DLC1: variants seen among roughly 807,000 people sequenced by gnomAD.
The protein encoded by DLC1 is DLC1 Rho GTPase activating protein.
In DLC1, 54 loss-of-function variants were observed where a neutral mutation model predicts 140.3. The ratio of observed to expected loss-of-function variants is 0.38; its 90% CI spans 0.31 to 0.48. The LOEUF is 0.48. Among genes scored for constraint, DLC1 ranks in the 20% least tolerant of loss-of-function variants. The pLI is 0.96. For synonymous variants in DLC1, 986 were observed against 728.1 expected, an observed-to-expected ratio of 1.35 and a Z score of -5.70; for missense variants, 2,536 against 1,907.0, an observed-to-expected ratio of 1.33 and a Z score of -6.14.
intron 2 of DLC1, among the ~76,000 whole-genome samples, chr8:13,495,862 C>A (rs1801477280): frequency 6.6e-6 from 1 of 152,102 alleles, no homozygotes; most frequent in African/African-American, 2.4e-5. Context: ...CTTATAAGCT[C>A]TTTTATTTTT....
chr8:13,428,255 A>G (rs1054185654), intron 2 of DLC1, among the ~76,000 whole-genome samples: 1 of 152,134 alleles, frequency 6.6e-6, no homozygotes, highest in Admixed American at 6.5e-5. Flanking sequence ...CCCTGATACA[A>G]TCATAAATTC....
chr8:13,409,117 C>T (rs1275382891), intron 2 of DLC1, among the ~76,000 whole-genome samples: 2 of 151,998 alleles, frequency 1.3e-5, no homozygotes, highest in African/African-American at 4.8e-5. Context: ...TGTCAATCAT[C>T]CTGAGTCCAA....
At chr8:13,446,634 G>A (rs1302552235) in intron 2 of DLC1, among the ~76,000 whole-genome samples, 2 of 151,892 alleles carry the variant, frequency 1.3e-5, no homozygotes, top group African/African-American at 4.8e-5. Context: ...GGGAAGGGAA[G>A]GGAAGAAGAA....
chr8:13,523,899 G>A (rs919467968), intron 1 of DLC1, among the ~76,000 whole-genome samples: 2 of 151,550 alleles, frequency 1.3e-5, no homozygotes, highest in African/African-American at 4.8e-5. Context: ...AGGGGGAGGG[G>A]AGAAAGTATA....
intron 2 of DLC1, among the ~76,000 whole-genome samples, chr8:13,492,697 C>T (rs1253112989): frequency 1.3e-5 from 2 of 152,082 alleles, no homozygotes; most frequent in African/African-American, 2.4e-5. Context: ...TAGGATAGCA[C>T]CTGGGATATT....
chr8:13,326,241 A>C (rs1833342271), intron 4 of DLC1, among the ~76,000 whole-genome samples: 1 of 152,188 alleles, frequency 6.6e-6, no homozygotes, highest in Non-Finnish European at 1.5e-5. Flanking sequence ...ATCCACATGC[A>C]AATTTCACTA....
At chr8:13,413,256 A>ACTTTTTTTTTTTT (rs1491415150) in intron 2 of DLC1, among the ~76,000 whole-genome samples, 5 of 82,004 alleles carry the variant, frequency 6.1e-5, no homozygotes, top group African/African-American at 5.0e-5. Flanking sequence ...TTTTTTTGCG[A>ACTTTTTTTTTTTT]TTTTTTTTTT....
At chr8:13,247,211 G>T (rs995296452) in intron 5 of DLC1, among the ~76,000 whole-genome samples, 2 of 152,182 alleles carry the variant, frequency 1.3e-5, no homozygotes, top group African/African-American at 4.8e-5. Context: ...GTCAGTTCCA[G>T]TTGTTCCATT....
intron 5 of DLC1, among the ~76,000 whole-genome samples, chr8:13,271,306 C>T (rs1371880611): frequency 6.6e-6 from 1 of 152,180 alleles, no homozygotes; most frequent in Non-Finnish European, 1.5e-5. Flanking sequence ...TATGCCCTTA[C>T]TTGCTTTTCA....
chr8:13,101,907 A>T (rs1819126550), intron 8 of DLC1, among the ~76,000 whole-genome samples: 1 of 152,168 alleles, frequency 6.6e-6, no homozygotes, highest in Admixed American at 6.5e-5. Flanking sequence ...ATTCGGTATG[A>T]TACATGTCTT....
intron 5 of DLC1, among the ~76,000 whole-genome samples, chr8:13,217,847 AC>A (rs1196815899): frequency 6.6e-6 from 1 of 150,726 alleles, no homozygotes; most frequent in African/African-American, 2.5e-5. Flanking sequence ...CAAAAAAAAA[AC>A]AACAACAAAA....
intron 4 of DLC1, among the ~76,000 whole-genome samples, chr8:13,364,274 A>T (rs1380056001): frequency 6.7e-6 from 1 of 150,280 alleles, no homozygotes; most frequent in African/African-American, 2.5e-5. Context: ...GCTATTTTTA[A>T]GTTTCCAGTT....
chr8:13,266,455 G>T (rs1009457543), intron 5 of DLC1, among the ~76,000 whole-genome samples: 4 of 152,086 alleles, frequency 2.6e-5, no homozygotes, highest in Non-Finnish European at 5.9e-5. Context: ...TGTTAAGAAA[G>T]CTCTTTGGGT....
At chr8:13,341,678 A>G (rs1488211617) in intron 4 of DLC1, 1 of 151,976 alleles carries the variant, frequency 6.6e-6, no homozygotes, top group Non-Finnish European at 1.5e-5. Flanking sequence ...CCAGGTTGTG[A>G]CTCTGGTAGG....
At chr8:13,425,357 G>A (rs182375416) in intron 2 of DLC1, among the ~76,000 whole-genome samples, 7 of 152,264 alleles carry the variant, frequency 4.6e-5, no homozygotes, top group Admixed American at 4.6e-4. Context: ...CAAGAAAATG[G>A]CACATCTTGC....
At chr8:13,138,472 T>A (rs1396081367) in intron 5 of DLC1, among the ~76,000 whole-genome samples, 2 of 152,212 alleles carry the variant, frequency 1.3e-5, no homozygotes, top group Admixed American at 1.3e-4. Context: ...AGCCAGGCAA[T>A]CTCTTTGGAA....
At chr8:13,154,629 C>T (rs1253482563) in intron 5 of DLC1, among the ~76,000 whole-genome samples, 2 of 152,174 alleles carry the variant, frequency 1.3e-5, no homozygotes, top group Non-Finnish European at 2.9e-5. Flanking sequence ...TCTCAGCCAG[C>T]CCAGAGAGGG....
chr8:13,336,570 G>A (rs1018142022), intron 4 of DLC1, among the ~76,000 whole-genome samples: 3 of 152,202 alleles, frequency 2.0e-5, no homozygotes, highest in Non-Finnish European at 2.9e-5. Context: ...GCTCAGCCAT[G>A]TGTTTTATCA....
Position 13,098,513 on chromosome 8 carries a change from A to C in DLC1, c.3053T>G (p.Leu1018Arg). ...SHRPSLNSVS[L>R]QINCQSVAQM... ...GGCCACAGACTGGCAGTTAATCTGT[A>C]GTGATACAGAGTTGAGGCTTGGCCG... The change falls in exon 10 of 18, where the codon CTA (leucine) becomes CGA (arginine). Residue 1018 changes from leucine (L) to arginine (R), a missense_variant. Leu to Arg is a moderately radical substitution (Grantham distance 102). Coordinates refer to ENST00000276297, the MANE Select transcript of DLC1 (RefSeq NM_182643.3). 1.2e-6 allele frequency: 2 copies of C among 1,614,178 alleles called. No individual in the cohort carries two copies. Among genetic ancestry groups the C allele is most frequent in the Non-Finnish European group, 8.5e-7 (1 of 1,179,994 alleles).
Sources: allele counts gnomAD v4.1 joint callset (sites outside exome capture counted in the v4.1 genomes callset), GRCh38; gene constraint gnomAD v4.1.1; transcripts MANE v1.5; gene names NCBI Gene and HGNC (gene_info 2026-07-23, HGNC 2026-07-21).